CLIC2: variants seen among roughly 807,000 people sequenced by gnomAD.
The protein encoded by CLIC2 is CLIC family member 2.
A neutral mutation model predicts 14.8 loss-of-function variants in CLIC2; 9 were observed. The observed-to-expected ratio is 0.61, with a 90% CI of 0.37 to 1.06. The LOEUF is 1.06. Ranked by LOEUF, CLIC2 falls within the 50% of genes least tolerant of loss-of-function variation. The pLI is 0.01. For missense variants in CLIC2, 148 were observed against 181.4 expected (o/e 0.82, Z 1.06); for synonymous variants, 61 against 66.3 (o/e 0.92, Z 0.39).
At chrX:155,278,338 C>T (rs782207913) in intron 5 of CLIC2, among the ~76,000 whole-genome samples, 1 of 111,745 alleles carries the variant, frequency 8.9e-6, no homozygotes, top group East Asian at 2.8e-4. Flanking sequence ...AGCACATATC[C>T]ACCACGACTA....
chrX:155,290,951 A>T (rs2074962337), intron 3 of CLIC2: 1 of 706,633 alleles, frequency 1.4e-6, no homozygotes, highest in Non-Finnish European at 2.3e-6. Flanking sequence ...GGGCAGGGGA[A>T]GATTGTGAGA....
intron 1 of CLIC2, among the ~76,000 whole-genome samples, chrX:155,320,664 T>A (rs2075111049): frequency 9.0e-6 from 1 of 111,523 alleles, no homozygotes; most frequent in Admixed American, 9.5e-5. Flanking sequence ...TCCTCCAAAG[T>A]ATCACAACTC....
At chrX:155,326,922 G>A (rs782050463) in intron 1 of CLIC2, among the ~76,000 whole-genome samples, 2 of 111,592 alleles carry the variant, frequency 1.8e-5, no homozygotes, top group South Asian at 7.4e-4. Flanking sequence ...AATGGTTGAG[G>A]GACTGGATGA....
chrX:155,327,520 A>C (rs2075142846), intron 1 of CLIC2, among the ~76,000 whole-genome samples: 1 of 111,387 alleles, frequency 9.0e-6, no homozygotes, highest in Non-Finnish European at 1.9e-5. Flanking sequence ...AAAGAATGAG[A>C]TCATGTCCTT....
chrX:155,277,954 T>C lies in CLIC2; in HGVS notation c.693A>G (p.Glu231=). The change falls in exon 6 of 6, where the codon GAA becomes GAG. Residue 231 remains glutamate, a synonymous_variant. Transcript: ENST00000369449. ...CGTAAGTATTTTCAATTTCTTTGTC[T>C]TCAGGACACGTGTGGGTAAATTCTT... ...AREEFTHTCP[E]DKEIENTYAN... 2 of 1,209,755 alleles carry C rather than the reference T, an allele frequency of 1.7e-6. No homozygotes were observed. The highest frequency in any genetic ancestry group is 2.2e-6 in the Non-Finnish European group (2 of 893,617).
intron 1 of CLIC2, among the ~76,000 whole-genome samples, chrX:155,304,083 A>G (rs1383101437): frequency 9.4e-6 from 1 of 106,822 alleles, no homozygotes; most frequent in Non-Finnish European, 1.9e-5. Context: ...TTCGAGGAGT[A>G]TCTTTGTGGC....
intron 1 of CLIC2, among the ~76,000 whole-genome samples, chrX:155,325,761 GATATATATATAT>G (rs60334475): frequency 0.035 from 1,163 of 32,858 alleles, 37 homozygotes; most frequent in Middle Eastern, 0.1. Context: ...AAGAAAATGT[GATATATATATAT>G]ATATATATAT....
intron 3 of CLIC2, chrX:155,293,515 AC>A (rs2074982210): frequency 2.1e-6 from 1 of 472,178 alleles, no homozygotes; most frequent in African/African-American, 2.4e-5. Context: ...GAGAAAAAAA[AC>A]AAAGAATATA....
chrX:155,279,452 C>T, intron 4 of CLIC2, 122 bp from the exon 5 acceptor site: 2 of 510,866 alleles, frequency 3.9e-6, no homozygotes, highest in Admixed American at 3.0e-5. Flanking sequence ...ACTGGCTCTT[C>T]AATATCTAGT....
At chrX:155,307,870 C>G (rs782755624) in intron 1 of CLIC2, among the ~76,000 whole-genome samples, 1 of 111,462 alleles carries the variant, frequency 9.0e-6, no homozygotes, top group Non-Finnish European at 1.9e-5. Flanking sequence ...GAGTGAGACT[C>G]TGTCTTAAAA....
intron 1 of CLIC2, among the ~76,000 whole-genome samples, chrX:155,331,236 C>T (rs927986674): frequency 1.8e-5 from 2 of 110,590 alleles, no homozygotes; most frequent in African/African-American, 6.6e-5. Flanking sequence ...AAGGGTGGAT[C>T]GCCTTTGGCA....
chrX:155,308,963 C>T (rs781918331), intron 1 of CLIC2, among the ~76,000 whole-genome samples: 6 of 111,609 alleles, frequency 5.4e-5, no homozygotes, highest in Non-Finnish European at 1.1e-4. Context: ...TAAGTAATCA[C>T]CAGAAGGCAT....
intron 4 of CLIC2, among the ~76,000 whole-genome samples, chrX:155,279,740 T>C (rs1557316209): frequency 8.9e-6 from 1 of 111,834 alleles, no homozygotes; most frequent in Non-Finnish European, 1.9e-5. Flanking sequence ...ACCTAGTATG[T>C]CAATATTCTA....
chrX:155,281,386 G>A (rs1270544189), intron 3 of CLIC2, among the ~76,000 whole-genome samples: 1 of 110,048 alleles, frequency 9.1e-6, no homozygotes, highest in Non-Finnish European at 1.9e-5. Flanking sequence ...TATATGAAGC[G>A]ATGGATATGT....
chrX:155,299,854 A>G (rs1171457795), intron 1 of CLIC2, among the ~76,000 whole-genome samples: 8 of 105,638 alleles, frequency 7.6e-5, no homozygotes. Flanking sequence ...GCGATAGTTT[A>G]CTGAGAATGA....
intron 1 of CLIC2, among the ~76,000 whole-genome samples, chrX:155,300,913 C>T (rs2075014833): frequency 6.6e-5 from 5 of 75,462 alleles, no homozygotes; most frequent in Non-Finnish European, 1.1e-4. Flanking sequence ...TTTCTGAGGG[C>T]TGTGTTCTGT....
At chrX:155,326,176 A>G (rs1253240147) in intron 1 of CLIC2, among the ~76,000 whole-genome samples, 1 of 110,759 alleles carries the variant, frequency 9.0e-6, no homozygotes, top group East Asian at 2.8e-4. Context: ...TGAAAAATAA[A>G]TAATTCTTTT....
At chrX:155,320,456 C>T (rs2075110312) in intron 1 of CLIC2, among the ~76,000 whole-genome samples, 1 of 112,063 alleles carries the variant, frequency 8.9e-6, no homozygotes, top group South Asian at 3.7e-4. Context: ...AGCAGACCTG[C>T]AGCAGAGGGT....
chrX:155,285,034 A>G (rs2074936385), intron 3 of CLIC2, among the ~76,000 whole-genome samples: 1 of 112,390 alleles, frequency 8.9e-6, no homozygotes, highest in Non-Finnish European at 1.9e-5. Context: ...CATTGCTTTT[A>G]TGAAAGAATG....
Sources: allele counts gnomAD v4.1 joint callset (sites outside exome capture counted in the v4.1 genomes callset), GRCh38; gene constraint gnomAD v4.1.1; transcripts MANE v1.5; gene names NCBI Gene and HGNC (gene_info 2026-07-23, HGNC 2026-07-21).